The following MMP26 variants were observed in gnomAD, a reference collection of about 807,000 sequenced individuals.
MMP26 encodes matrix metalloproteinase-26.
Under a neutral mutation model 31.0 loss-of-function variants are expected in MMP26, and 33 were observed. The observed-to-expected ratio is 1.06, with a 90% CI of 0.81 to 1.42. The LOEUF is 1.42. MMP26 is among the 40% of genes most tolerant of loss of function. MMP26 has a pLI of 0.00. For missense variants in MMP26, 347 were observed against 316.1 expected (o/e 1.10, Z -0.74); for synonymous variants, 122 against 114.9 (o/e 1.06, Z -0.40).
intron 1 of MMP26, among the ~76,000 whole-genome samples, chr11:4,766,340 C>T (rs1001588388): frequency 1.2e-4 from 18 of 152,128 alleles, no homozygotes; most frequent in Non-Finnish European, 2.6e-4. Context: ...GTGTGGGCCA[C>T]CTCTGCAAGC....
At chr11:4,800,316 C>A (rs1674423366) in intron 2 of MMP26, among the ~76,000 whole-genome samples, 2 of 152,208 alleles carry the variant, frequency 1.3e-5, no homozygotes, top group Admixed American at 6.5e-5. Context: ...GACTTAACAC[C>A]ACATGGAAGC....
chr11:4,882,317 G>GT (rs772058433), intron 2 of MMP26: 1 of 1,613,922 alleles, frequency 6.2e-7, no homozygotes, highest in South Asian at 1.1e-5. Context: ...TATCCTCACA[G>GT]ACAGGATGGT....
At chr11:4,800,568 G>T (rs185033468) in intron 2 of MMP26, among the ~76,000 whole-genome samples, 1 of 152,162 alleles carries the variant, frequency 6.6e-6, no homozygotes, top group Admixed American at 6.5e-5. Flanking sequence ...TTTCCCATTG[G>T]CTTGGATATT....
Position 4,990,625 on chromosome 11 carries a change from G to T in MMP26, c.348G>T (p.Lys116Asn), listed in dbSNP as rs1846983761. The T allele has an allele frequency of 3.1e-6, 5 of 1,613,156 alleles. No individual in the cohort carries two copies. The highest frequency in any genetic ancestry group is 4.2e-6 in the Non-Finnish European group (5 of 1,179,390). Residue 116 changes from lysine to asparagine, a missense_variant, in exon 5 of 8, where the codon AAG becomes AAT. By Grantham distance (94) the Lys-to-Asn change is moderately conservative. Coordinates refer to ENST00000380390, the MANE Select transcript of MMP26 (RefSeq NM_021801.5). Reference sequence around the variant, plus strand: ...TTATCAATTACCCACATGATATGAAGCCATCCGCAGTGAAAGACAGTATAT... The same window carrying T: ...TTATCAATTACCCACATGATATGAATCCATCCGCAGTGAAAGACAGTATAT... Reference protein sequence around the residue: ...YRIINYPHDMKPSAVKDSIYN... With the variant: ...YRIINYPHDMNPSAVKDSIYN...
At position 4,906,391 on chromosome 11, in the gene MMP26, G is replaced by A. The variant is rs148021849; in HGVS notation, c.-144-81677G>A. ...ATTCATTTTACAGATTTAAAATAAC[G>A]CCCAAATAAGTTAAATAATTTAAAA... On this transcript the variant is annotated intron_variant, in intron 2 of 7. Transcript: ENST00000380390. 3.7e-3 allele frequency among the ~76,000 whole-genome samples: 567 copies of A among 152,102 alleles called. 3 individuals carry two copies. The highest frequency in any genetic ancestry group is 0.012 in the African/African-American group (514 of 41,492).
intron 2 of MMP26, among the ~76,000 whole-genome samples, chr11:4,802,286 C>T (rs182647801): frequency 2.0e-5 from 3 of 152,234 alleles, no homozygotes; most frequent in East Asian, 1.9e-4. Flanking sequence ...CCTATTCTAT[C>T]CCCACCTTTT....
intron 2 of MMP26, among the ~76,000 whole-genome samples, chr11:4,903,368 T>C (rs1252337968): frequency 6.6e-6 from 1 of 152,150 alleles, no homozygotes; most frequent in Non-Finnish European, 1.5e-5. Flanking sequence ...TAAAGTGCTT[T>C]TCTAAATATT....
chr11:4,981,059 C>T (rs970434438), intron 2 of MMP26, among the ~76,000 whole-genome samples: 1 of 151,964 alleles, frequency 6.6e-6, no homozygotes, highest in Non-Finnish European at 1.5e-5. Flanking sequence ...AATGTTATTA[C>T]TGGAAAAACT....
intron 2 of MMP26, chr11:4,907,676 T>A (rs893620479): frequency 6.2e-7 from 1 of 1,614,140 alleles, no homozygotes; most frequent in South Asian, 1.1e-5. Context: ...TCAAGAATTC[T>A]TCATTCATGG....
chr11:4,848,406 A>G, intron 2 of MMP26: 1 of 1,614,064 alleles, frequency 6.2e-7, no homozygotes, highest in South Asian at 1.1e-5. Flanking sequence ...AGGATGGTTA[A>G]TCAGTGCCAG....
intron 2 of MMP26, among the ~76,000 whole-genome samples, chr11:4,895,574 A>T (rs1850687570): frequency 6.6e-6 from 1 of 152,210 alleles, no homozygotes; most frequent in Admixed American, 6.5e-5. Context: ...ATGATTTCTG[A>T]GATGAACAAT....
intron 2 of MMP26, among the ~76,000 whole-genome samples, chr11:4,805,829 T>C (rs1849260018): frequency 6.6e-6 from 1 of 152,142 alleles, no homozygotes; most frequent in South Asian, 2.1e-4. Context: ...TTTATTCCAC[T>C]CTTTGAGTTT....
At chr11:4,947,720 A>T (rs1846333411) in intron 2 of MMP26, 1 of 125,688 alleles carries the variant, frequency 8.0e-6, no homozygotes, top group African/African-American at 2.7e-5. Context: ...TGGGGATTGC[A>T]GCAAGGCTAG....
intron 2 of MMP26, among the ~76,000 whole-genome samples, chr11:4,847,281 A>G (rs889629715): frequency 6.6e-6 from 1 of 152,216 alleles, no homozygotes; most frequent in Non-Finnish European, 1.5e-5. Context: ...ATGTGAATGT[A>G]TACTGCTGCT....
At chr11:4,885,159 G>A (rs750268768) in intron 2 of MMP26, among the ~76,000 whole-genome samples, 11 of 151,952 alleles carry the variant, frequency 7.2e-5, no homozygotes, top group Non-Finnish European at 1.3e-4. Context: ...AATAGGCTAC[G>A]AATTTGTGTT....
intron 1 of MMP26, among the ~76,000 whole-genome samples, chr11:4,740,171 A>G (rs1848293508): frequency 1.4e-5 from 2 of 147,120 alleles, no homozygotes; most frequent in East Asian, 3.9e-4. Flanking sequence ...TAAAAAATAA[A>G]AATAAGATCC....
chr11:4,849,223 C>T (rs1158288306), intron 2 of MMP26: 3 of 1,579,816 alleles, frequency 1.9e-6, no homozygotes, highest in South Asian at 1.2e-5. Context: ...CAGGATTCCA[C>T]GTTGAACTCT....
intron 2 of MMP26, among the ~76,000 whole-genome samples, chr11:4,794,546 G>A (rs1029757740): frequency 5.3e-5 from 8 of 152,060 alleles, no homozygotes; most frequent in African/African-American, 1.7e-4. Flanking sequence ...TTTCTTTAGG[G>A]TCTTCTCACT....
chr11:4,959,845 T>G (rs1224071367), intron 2 of MMP26, among the ~76,000 whole-genome samples: 1 of 152,204 alleles, frequency 6.6e-6, no homozygotes, highest in Non-Finnish European at 1.5e-5. Context: ...TCCATTCCTC[T>G]TTTTCTTGAA....
Sources: allele counts gnomAD v4.1 joint callset (sites outside exome capture counted in the v4.1 genomes callset), GRCh38; gene constraint gnomAD v4.1.1; transcripts MANE v1.5; gene names NCBI Gene and HGNC (gene_info 2026-07-23, HGNC 2026-07-21).